GIGYF2: variants seen among roughly 807,000 people sequenced by gnomAD.
GIGYF2 encodes the protein GRB10-interacting GYF protein 2.
GIGYF2 carries 25 observed loss-of-function variants against 208.1 expected under a neutral mutation model. The ratio of observed to expected loss-of-function variants is 0.12; its 90% CI spans 0.09 to 0.17. GIGYF2 has a LOEUF of 0.17. GIGYF2 is among the 10% of genes least tolerant of loss of function. The pLI is 1.00. For synonymous variants in GIGYF2, 534 were observed against 543.8 expected, an observed-to-expected ratio of 0.98 and a Z score of 0.25; for missense variants, 1,302 against 1,579.4, an observed-to-expected ratio of 0.82 and a Z score of 2.98.
intron 8 of GIGYF2, chr2:232,770,864 TTTTG>T (rs1473386665): frequency 2.0e-6 from 3 of 1,467,416 alleles, no homozygotes; most frequent in Admixed American, 1.7e-5. Flanking sequence ...TTTGTTTTGT[TTTTG>T]TTTTTGTTTT....
At chr2:232,710,440 T>C (rs1271204366) in intron 2 of GIGYF2, among the ~76,000 whole-genome samples, 1 of 152,176 alleles carries the variant, frequency 6.6e-6, no homozygotes, top group African/African-American at 2.4e-5. Flanking sequence ...TGTGGGTCTT[T>C]TGTCTTTAAA....
intron 2 of GIGYF2, among the ~76,000 whole-genome samples, chr2:232,721,060 T>C (rs1193115917): frequency 1.3e-5 from 2 of 152,192 alleles, no homozygotes; most frequent in Non-Finnish European, 2.9e-5. Flanking sequence ...GAGAAAGATA[T>C]GCTAATAGGG....
At chr2:232,770,158 C>G (rs1420261131) in intron 8 of GIGYF2, among the ~76,000 whole-genome samples, 1 of 152,214 alleles carries the variant, frequency 6.6e-6, no homozygotes, top group Non-Finnish European at 1.5e-5. Flanking sequence ...TGGTAGCACA[C>G]TGGGATTTCA....
At chr2:232,753,947 C>T (rs1187219670) in intron 5 of GIGYF2, among the ~76,000 whole-genome samples, 1 of 151,986 alleles carries the variant, frequency 6.6e-6, no homozygotes, top group Non-Finnish European at 1.5e-5. Flanking sequence ...GGGCAGATCA[C>T]AAAGTCAGGA....
intron 6 of GIGYF2, 167 bp from the exon 7 acceptor site, chr2:232,760,313 A>C: frequency 1.6e-6 from 1 of 617,398 alleles, no homozygotes; most frequent in South Asian, 1.9e-5. Context: ...AGCTACTTCA[A>C]TGCCATTGTT....
intron 26 of GIGYF2, among the ~76,000 whole-genome samples, chr2:232,847,096 C>T (rs1315677506): frequency 6.6e-6 from 1 of 152,124 alleles, no homozygotes; most frequent in African/African-American, 2.4e-5. Flanking sequence ...CAGCCTTAGT[C>T]AAGTAACTGT....
chr2:232,836,345 T>A lies in GIGYF2; in HGVS notation c.2766+3252T>A, dbSNP rs1222420419. On this transcript the variant is annotated intron_variant, in intron 22 of 28. Coordinates refer to ENST00000373563, the MANE Select transcript of GIGYF2 (RefSeq NM_001103146.3). ...ATATATATATACATATATATACTTATATATTTATATATATAAATATAAATA... is the reference window on the plus strand; with the variant it reads ...ATATATATATACATATATATACTTAAATATTTATATATATAAATATAAATA... Among the ~76,000 whole-genome samples the A allele has an allele frequency of 1.3e-4, 5 of 38,610 alleles. 1 individual carries two copies. Among genetic ancestry groups the A allele is most frequent in the African/African-American group, 5.4e-4 (5 of 9,264 alleles). The allele number at this position is 38,610 out of a possible 152,430, so 25.3% of individuals were successfully genotyped here.
At chr2:232,828,658 G>A (rs1052723049) in intron 21 of GIGYF2, 2 of 152,038 alleles carry the variant, frequency 1.3e-5, no homozygotes, top group Admixed American at 1.3e-4. Flanking sequence ...GTCTTGGCTG[G>A]TCTGATGGTA....
At chr2:232,811,423 C>T (rs549085434) in intron 17 of GIGYF2, 72 bp downstream of exon 17, 2 of 908,142 alleles carry the variant, frequency 2.2e-6, no homozygotes, top group African/African-American at 1.6e-5. Context: ...AGGAGAAATT[C>T]TGGTATAGTG....
intron 21 of GIGYF2, among the ~76,000 whole-genome samples, chr2:232,822,143 T>C (rs955483641): frequency 6.6e-6 from 1 of 152,150 alleles, no homozygotes; most frequent in Non-Finnish European, 1.5e-5. Flanking sequence ...AATTATCTTC[T>C]TAATTTCTAT....
chr2:232,774,412 A>G (rs547376051), intron 8 of GIGYF2, among the ~76,000 whole-genome samples: 2 of 152,216 alleles, frequency 1.3e-5, no homozygotes, highest in African/African-American at 4.8e-5. Flanking sequence ...CACAGTCTGA[A>G]TTATTAGATA....
At chr2:232,740,692 A>T (rs1697938380) in intron 3 of GIGYF2, among the ~76,000 whole-genome samples, 1 of 152,162 alleles carries the variant, frequency 6.6e-6, no homozygotes, top group African/African-American at 2.4e-5. Context: ...TTAGTTAATA[A>T]ATGAATGTTG....
chr2:232,825,776 T>C (rs1209550423), intron 21 of GIGYF2, among the ~76,000 whole-genome samples: 2 of 152,122 alleles, frequency 1.3e-5, no homozygotes, highest in South Asian at 4.1e-4. Flanking sequence ...TACATAGATA[T>C]ACATGTGCCA....
chr2:232,791,225 C>T (rs978453813), intron 11 of GIGYF2, 33 bp from the exon 12 acceptor site: 16 of 1,613,570 alleles, frequency 9.9e-6, no homozygotes, highest in East Asian at 2.2e-5. Flanking sequence ...CCAAAACTTT[C>T]GTAAGTTCAA....
chr2:232,715,551 A>G (rs1274333803), intron 2 of GIGYF2, among the ~76,000 whole-genome samples: 8 of 152,206 alleles, frequency 5.3e-5, no homozygotes, highest in Admixed American at 2.6e-4. Flanking sequence ...AGATGTAGAC[A>G]ATTCCTTGGA....
chr2:232,786,743 C>T (rs926475991), intron 8 of GIGYF2, among the ~76,000 whole-genome samples: 10 of 152,112 alleles, frequency 6.6e-5, no homozygotes. Flanking sequence ...ACATTTATAA[C>T]ATCCTGAGGG....
chr2:232,844,012 G>C, intron 23 of GIGYF2, 34 bp from the exon 24 acceptor site: 1 of 1,598,312 alleles, frequency 6.3e-7, no homozygotes, highest in Non-Finnish European at 8.6e-7. Flanking sequence ...CTAAAAACAG[G>C]AATCCTCAGC....
At chr2:232,831,883 A>G (rs895258932) in intron 21 of GIGYF2, among the ~76,000 whole-genome samples, 1 of 152,204 alleles carries the variant, frequency 6.6e-6, no homozygotes, top group East Asian at 1.9e-4. Flanking sequence ...CCCAGTAGAC[A>G]TCTCTTTGAC....
At chr2:232,850,487 G>A in intron 28 of GIGYF2, 78 bp downstream of exon 28, 6 of 1,314,916 alleles carry the variant, frequency 4.6e-6, no homozygotes, top group Admixed American at 1.8e-5. Context: ...TTTCCATTGA[G>A]CATTGTTTTT....
Sources: gnomAD v4.1 joint callset for allele counts (sites outside exome capture counted in the v4.1 genomes callset) on GRCh38, gnomAD v4.1.1 for gene constraint, MANE v1.5 for transcripts, NCBI Gene and HGNC (gene_info 2026-07-23, HGNC 2026-07-21) for gene names.